Variants in CPB2 observed in about 807,000 individuals in gnomAD.
The protein encoded by CPB2 is carboxypeptidase B2.
CPB2 carries 54 observed loss-of-function variants against 57.0 expected under a neutral mutation model. The observed-to-expected ratio is 0.95, with a 90% CI of 0.76 to 1.19. The LOEUF (loss-of-function observed/expected upper bound fraction) is 1.19, where lower values mean the gene tolerates loss of function less well. Among genes scored for constraint, CPB2 ranks in the 50% most tolerant of loss-of-function variants. The pLI is 0.00. For synonymous variants in CPB2, 189 were observed against 178.1 expected, an observed-to-expected ratio of 1.06 and a Z score of -0.49; for missense variants, 426 against 512.0, an observed-to-expected ratio of 0.83 and a Z score of 1.62.
chr13:46,074,418 G>A (rs1285441181), intron 5 of CPB2, among the ~76,000 whole-genome samples: 1 of 132,932 alleles, frequency 7.5e-6, no homozygotes, highest in African/African-American at 2.9e-5. Context: ...ATTTTCCTGA[G>A]TGCATATTTT....
intron 1 of CPB2, among the ~76,000 whole-genome samples, chr13:46,093,694 A>G (rs533018396): frequency 6.6e-6 from 1 of 152,344 alleles, no homozygotes; most frequent in South Asian, 2.1e-4. Context: ...GGAGAAAATT[A>G]TACATAAATA....
At chr13:46,066,047 C>G (rs1264135621) in intron 7 of CPB2, among the ~76,000 whole-genome samples, 1 of 152,196 alleles carries the variant, frequency 6.6e-6, no homozygotes, top group East Asian at 1.9e-4. Context: ...CAGTATTCCT[C>G]TCACCAGAGA....
intron 8 of CPB2, among the ~76,000 whole-genome samples, chr13:46,062,743 G>C (rs2044793621): frequency 6.6e-6 from 1 of 152,168 alleles, no homozygotes; most frequent in Non-Finnish European, 1.5e-5. Flanking sequence ...GTTTCTGTCT[G>C]CATGGAGTTT....
Position 46,087,772 on chromosome 13 carries a change from A to C in CPB2, c.123T>G (p.Val41=). The change falls in exon 2 of 11, where the codon GTT becomes GTG. Residue 41 remains valine (V), a synonymous_variant. Coordinates refer to ENST00000181383, the MANE Select transcript of CPB2 (RefSeq NM_001872.5). ...CATATGTTGTAGTAAGATTCTGTAG[A>C]ACTTGAACTTGCCTAGAGGTTCTAG... is the stretch of plus-strand genomic sequence containing the variant. ...ALPRTSRQVQ[V]LQNLTTTYEI... 1 of 1,611,190 alleles carries C rather than the reference A, an allele frequency of 6.2e-7. No homozygotes were observed. The highest frequency in any genetic ancestry group is 8.5e-7 in the Non-Finnish European group (1 of 1,178,798).
At chr13:46,068,839 G>T (rs1053754937) in intron 6 of CPB2, among the ~76,000 whole-genome samples, 20 of 151,704 alleles carry the variant, frequency 1.3e-4, no homozygotes, top group Admixed American at 9.2e-4. Flanking sequence ...ATGGTTTCCA[G>T]GGAAGCCATG....
intron 8 of CPB2, among the ~76,000 whole-genome samples, chr13:46,060,278 C>T (rs1397348180): frequency 6.6e-6 from 1 of 152,072 alleles, no homozygotes; most frequent in African/African-American, 2.4e-5. Context: ...GCGAGGCCAA[C>T]ATGGTGAAAC....
At position 46,087,806 on chromosome 13, in the gene CPB2, G is replaced by C. The variant is rs773539147; in HGVS notation, c.89C>G (p.Ala30Gly). ...TTGCCTAGAGGTTCTAGGAAGAGCA[G>C]CTAGAACTTGGCCACTGGGGAAAAA... ...VFAFQSGQVL[A>G]ALPRTSRQVQ... Residue 30 changes from alanine (A) to glycine (G), a missense_variant, in exon 2 of 11, where the codon GCT becomes GGT. Ala to Gly is a moderately conservative substitution (Grantham distance 60, BLOSUM62 0). Transcript: ENST00000181383. 4.3e-6 allele frequency: 7 copies of C among 1,609,236 alleles called. No individual in the cohort carries two copies. The highest frequency in any genetic ancestry group is 5.9e-6 in the Non-Finnish European group (7 of 1,177,624).
intron 2 of CPB2, among the ~76,000 whole-genome samples, chr13:46,086,428 C>T (rs925616210): frequency 6.6e-6 from 1 of 152,116 alleles, no homozygotes; most frequent in Non-Finnish European, 1.5e-5. Context: ...GCCAGGGTGT[C>T]CTGATGAGTG....
Position 46,056,934 on chromosome 13 carries a change from C to T in CPB2, c.1000-1085G>A, listed in dbSNP as rs1409354356. Among the ~76,000 whole-genome samples the T allele has an allele frequency of 3.3e-5, 5 of 152,272 alleles. No homozygotes were observed. The East Asian group carries it at 5.8e-4, about 18-fold the overall frequency. ...ATTAGTGAAGCCATCCCTTGATATT[C>T]TAGTTAGAAGTGAGTTGTACTGTCT... On this transcript the variant is annotated intron_variant, in intron 9 of 10. Transcript: ENST00000181383.
In CPB2 at chr13:46,055,775, G is replaced by C; in HGVS notation, c.1074C>G (p.Gly358=). Residue 358 remains glycine, a synonymous_variant, in exon 10 of 11, where the codon GGC becomes GGG. Coordinates refer to ENST00000181383, the MANE Select transcript of CPB2 (RefSeq NM_001872.5). ...SKNTRYTHGH[G]SETLYLAPGG... is the part of the protein sequence containing the mutation. ...AGAAATACTTACATAAGGTTTCTGA[G>C]CCATGGCCATGTGTATACCTGGTAT... The C allele has an allele frequency of 6.3e-7, 1 of 1,586,690 alleles. No individual in the cohort carries two copies.
rs529124939 is a variant in CPB2 at position 46,071,714 on chromosome 13, A to G, written c.591+2159T>C. Among the ~76,000 whole-genome samples, 9 of 152,308 alleles carry G rather than the reference A, an allele frequency of 5.9e-5. No individual in the cohort carries two copies. In the East Asian group the frequency reaches 1.4e-3, roughly 23 times the overall value. On this transcript the variant is annotated intron_variant, in intron 6 of 10. Transcript: ENST00000181383. ...GGATCATTGGTAGTATCAGGAGAAG[A>G]GAATGCTGATCTACTCCACCAGGCC...
At chr13:46,079,825 C>G (rs2045084548) in intron 4 of CPB2, among the ~76,000 whole-genome samples, 1 of 152,170 alleles carries the variant, frequency 6.6e-6, no homozygotes, top group Non-Finnish European at 1.5e-5. Context: ...CTTGGGTTCT[C>G]TGAGATCACA....
At position 46,082,462 on chromosome 13, in the gene CPB2, T is replaced by A; in HGVS notation, c.363A>T (p.Glu121Asp). The change falls in exon 4 of 11, where the codon GAA becomes GAT. Residue 121 changes from glutamate to aspartate, a missense_variant. Glu to Asp is a conservative substitution (Grantham distance 45, BLOSUM62 2). Coordinates refer to ENST00000181383, the MANE Select transcript of CPB2 (RefSeq NM_001872.5). ...VSPRASASYY[E>D]QYHSLNEIYS... is the part of the protein sequence containing the mutation. ...TTACTTCATTTAGTGAGTGATACTG[T>A]TCATAGTACGATGCGGAGGCTCGGG... 1 of 1,611,786 alleles carries A rather than the reference T, an allele frequency of 6.2e-7. No homozygotes were observed. The highest frequency in any genetic ancestry group is 8.5e-7 in the Non-Finnish European group (1 of 1,178,110).
rs200826009 is a variant in CPB2, at chr13:46,053,815, G to T, written c.1088-17C>A. ...GAGCTAGGTCTAAAAGAAGAAGAAAGAAATTGTTGAAATACAGACGTTTCA... is the reference window on the plus strand; with the variant it reads ...GAGCTAGGTCTAAAAGAAGAAGAAATAAATTGTTGAAATACAGACGTTTCA... On this transcript the variant is annotated splice_polypyrimidine_tract_variant and intron_variant, in intron 10 of 10. Coordinates refer to ENST00000181383, the MANE Select transcript of CPB2 (RefSeq NM_001872.5). The T allele has an allele frequency of 9.0e-4, 1,440 of 1,598,812 alleles. 2 individuals are homozygous for T. The highest frequency in any genetic ancestry group is 1.2e-3 in the Non-Finnish European group (1,382 of 1,168,530).
At chr13:46,086,078 G>A (rs1209406269) in intron 2 of CPB2, among the ~76,000 whole-genome samples, 4 of 152,162 alleles carry the variant, frequency 2.6e-5, no homozygotes, top group African/African-American at 9.7e-5. Flanking sequence ...AGCTTCAATG[G>A]CTGGCACCGG....
At chr13:46,071,036 C>T (rs879744848) in intron 6 of CPB2, among the ~76,000 whole-genome samples, 7 of 152,162 alleles carry the variant, frequency 4.6e-5, no homozygotes, top group Admixed American at 4.6e-4. Context: ...GGAAAAGCAG[C>T]AGTTCAATGC....
At chr13:46,083,241 C>T (rs1017735418) in intron 3 of CPB2, among the ~76,000 whole-genome samples, 2 of 152,168 alleles carry the variant, frequency 1.3e-5, no homozygotes, top group Admixed American at 6.5e-5. Flanking sequence ...GGTCTAAGTT[C>T]GACTCCTAAC....
At chr13:46,055,926 T>C in intron 9 of CPB2, 77 bp from the exon 10 acceptor site, 1 of 817,458 alleles carries the variant, frequency 1.2e-6, no homozygotes, top group Non-Finnish European at 2.0e-6. Context: ...TAAAAAATAA[T>C]CATACATTAA....
chr13:46,103,763 T>C (rs934941271), intron 1 of CPB2, among the ~76,000 whole-genome samples: 1 of 152,028 alleles, frequency 6.6e-6, no homozygotes, highest in Non-Finnish European at 1.5e-5. Context: ...ATTTTTCTCT[T>C]CTCCCCCTTT....
Sources: allele counts gnomAD v4.1 joint callset (sites outside exome capture counted in the v4.1 genomes callset), GRCh38; gene constraint gnomAD v4.1.1; transcripts MANE v1.5; gene names NCBI Gene and HGNC (gene_info 2026-07-23, HGNC 2026-07-21).